Variants in EPHA5 observed in about 807,000 individuals in gnomAD.
EPHA5 encodes ephrin type-A receptor 5.
A neutral mutation model predicts 105.0 loss-of-function variants in EPHA5; 60 were observed. That is an observed-to-expected ratio of 0.57 (90% CI 0.46 to 0.71). EPHA5 has a LOEUF of 0.71. Among genes scored for constraint, EPHA5 ranks in the 30% least tolerant of loss-of-function variants. The pLI is 0.00. For missense variants in EPHA5, 1,218 were observed against 1,274.7 expected (o/e 0.96, Z 0.68); for synonymous variants, 513 against 449.1 (o/e 1.14, Z -1.80).
At chr4:65,479,744 G>T (rs1294215957) in intron 5 of EPHA5, among the ~76,000 whole-genome samples, 1 of 151,964 alleles carries the variant, frequency 6.6e-6, no homozygotes, top group Non-Finnish European at 1.5e-5. Flanking sequence ...ACATTAAATG[G>T]CCATAAGCAA....
intron 3 of EPHA5, among the ~76,000 whole-genome samples, chr4:65,527,381 T>G (rs1413976211): frequency 6.6e-6 from 1 of 152,070 alleles, no homozygotes; most frequent in Non-Finnish European, 1.5e-5. Context: ...CCATAAAGTT[T>G]GAAACCAACA....
chr4:65,559,144 CTGTGGTAAATATTT>C (rs1738760023), intron 3 of EPHA5, among the ~76,000 whole-genome samples: 1 of 152,000 alleles, frequency 6.6e-6, no homozygotes, highest in Non-Finnish European at 1.5e-5. Flanking sequence ...TAAACTTTCT[CTGTGGTAAATATTT>C]TGTGGTAAAT....
chr4:65,587,670 C>T (rs1036006600), intron 3 of EPHA5, among the ~76,000 whole-genome samples: 3 of 152,156 alleles, frequency 2.0e-5, no homozygotes, highest in Non-Finnish European at 4.4e-5. Context: ...ATTATAGGGC[C>T]TCTACTGTCT....
intron 2 of EPHA5, among the ~76,000 whole-genome samples, chr4:65,613,449 G>C (rs992348093): frequency 2.0e-5 from 3 of 151,960 alleles, no homozygotes; most frequent in Non-Finnish European, 1.5e-5. Flanking sequence ...CATTGAATCT[G>C]CAGATTGCTT....
intron 6 of EPHA5, among the ~76,000 whole-genome samples, chr4:65,418,138 A>G (rs1297117947): frequency 1.3e-5 from 2 of 152,148 alleles, no homozygotes; most frequent in African/African-American, 2.4e-5. Flanking sequence ...TTTGCATTTT[A>G]CCTTCTTTTA....
At chr4:65,574,679 C>CATATATATACAT (rs1740661164) in intron 3 of EPHA5, among the ~76,000 whole-genome samples, 12 of 61,092 alleles carry the variant, frequency 2.0e-4, no homozygotes, top group African/African-American at 6.4e-4. Flanking sequence ...CATATATATA[C>CATATATATACAT]ATATATATAC....
intron 2 of EPHA5, among the ~76,000 whole-genome samples, chr4:65,623,971 T>C (rs1745923371): frequency 6.6e-6 from 1 of 152,180 alleles, no homozygotes; most frequent in African/African-American, 2.4e-5. Context: ...AAAATGACTA[T>C]ATGCCAAGCA....
At chr4:65,435,844 A>G in intron 5 of EPHA5, among the ~76,000 whole-genome samples, 1 of 152,070 alleles carries the variant, frequency 6.6e-6, no homozygotes, top group East Asian at 1.9e-4. Flanking sequence ...TCCATCCACA[A>G]TTGGTGGATT....
chr4:65,638,045 A>G (rs1179289800), intron 2 of EPHA5, among the ~76,000 whole-genome samples: 1 of 152,150 alleles, frequency 6.6e-6, no homozygotes, highest in Non-Finnish European at 1.5e-5. Flanking sequence ...TCTTAAGCCC[A>G]GATTTGAGGT....
intron 3 of EPHA5, among the ~76,000 whole-genome samples, chr4:65,505,018 G>A (rs1396969170): frequency 1.3e-5 from 2 of 151,898 alleles, no homozygotes; most frequent in Non-Finnish European, 2.9e-5. Context: ...ATAATAGTGT[G>A]TATAAGGGTA....
Position 65,442,753 on chromosome 4 carries a change from A to G in EPHA5, c.1403-22188T>C, listed in dbSNP as rs1726144580. Among the ~76,000 whole-genome samples, 3 of 152,214 alleles carry G rather than the reference A, an allele frequency of 2.0e-5. No individual in the cohort carries two copies. In the South Asian group the frequency reaches 6.2e-4, roughly 31 times the overall value. ...GCCCACCACAACCATATTTTTCCTT[A>G]GAGCTAGTAGCAAAACATTTTTGAA... On this transcript the variant is annotated intron_variant, in intron 5 of 16. Coordinates refer to ENST00000613740, the MANE Select transcript of EPHA5 (RefSeq NM_001281766.3).
chr4:65,581,198 A>G (rs1741585770), intron 3 of EPHA5, among the ~76,000 whole-genome samples: 1 of 151,684 alleles, frequency 6.6e-6, no homozygotes. Flanking sequence ...CTAAAAGTAT[A>G]TTGTTCTTTG....
chr4:65,350,419 T>G (rs1722707598), intron 13 of EPHA5, among the ~76,000 whole-genome samples: 1 of 151,958 alleles, frequency 6.6e-6, no homozygotes, highest in Admixed American at 6.6e-5. Context: ...AGACTACCAG[T>G]GGATGTAATT....
chr4:65,321,571 A>T lies in EPHA5; in HGVS notation c.*2543T>A, dbSNP rs185589716. Reference sequence around the variant, plus strand: ...AACCTTCCTTAGAAATTCTCAACCAAATTGAGATGCAAAAGAAAACTATGT... The same window carrying T: ...AACCTTCCTTAGAAATTCTCAACCATATTGAGATGCAAAAGAAAACTATGT... On this transcript the variant is annotated 3_prime_UTR_variant, in exon 17 of 17. Transcript: ENST00000613740. 3.4e-3 allele frequency: 790 copies of T among 229,252 alleles called. 5 individuals carry two copies. Among genetic ancestry groups the T allele is most frequent in the African/African-American group, 0.016 (724 of 45,164 alleles). 14.2% of individuals were successfully genotyped at this position (229,252 alleles called of 1,614,324 possible). A position where few individuals can be genotyped will look rare whatever the true frequency, so the allele number is the denominator to read the frequency against.
At chr4:65,620,404 T>G (rs1293764070) in intron 2 of EPHA5, among the ~76,000 whole-genome samples, 2 of 152,090 alleles carry the variant, frequency 1.3e-5, no homozygotes. Context: ...AAAAAATGTC[T>G]TAACACCAAT....
intron 6 of EPHA5, among the ~76,000 whole-genome samples, chr4:65,415,163 T>C (rs1723272371): frequency 6.6e-6 from 1 of 152,098 alleles, no homozygotes; most frequent in African/African-American, 2.4e-5. Flanking sequence ...AGACTAACCA[T>C]CCATAGCTCC....
chr4:65,658,734 A>C (rs1006071883), intron 1 of EPHA5, among the ~76,000 whole-genome samples: 2 of 152,120 alleles, frequency 1.3e-5, no homozygotes, highest in African/African-American at 4.8e-5. Context: ...AGCTCTAAGT[A>C]GTTGAGCCAG....
intron 5 of EPHA5, among the ~76,000 whole-genome samples, chr4:65,476,711 A>G (rs777858039): frequency 5.3e-5 from 8 of 152,140 alleles, no homozygotes; most frequent in Non-Finnish European, 8.8e-5. Flanking sequence ...GCAATAATTA[A>G]TTAACTAATT....
chr4:65,371,642 G>C (rs1453950155), intron 8 of EPHA5, among the ~76,000 whole-genome samples: 2 of 152,000 alleles, frequency 1.3e-5, no homozygotes, highest in East Asian at 3.9e-4. Context: ...AGAGTACCAA[G>C]TAATGTACAC....
Sources: allele counts gnomAD v4.1 joint callset (sites outside exome capture counted in the v4.1 genomes callset), GRCh38; gene constraint gnomAD v4.1.1; transcripts MANE v1.5; gene names NCBI Gene and HGNC (gene_info 2026-07-23, HGNC 2026-07-21).